COX15: variants seen among roughly 807,000 people sequenced by gnomAD.
The protein encoded by COX15 is heme A synthase COX15.
Under a neutral mutation model 51.9 loss-of-function variants are expected in COX15, and 51 were observed. That is an observed-to-expected ratio of 0.98 (90% CI 0.78 to 1.24). COX15 has a LOEUF of 1.24. Among genes scored for constraint, COX15 ranks in the 50% most tolerant of loss-of-function variants. The pLI is 0.00. For missense variants in COX15, 420 were observed against 501.1 expected (o/e 0.84, Z 1.55); for synonymous variants, 188 against 190.5 (o/e 0.99, Z 0.11).
downstream of COX15, chr10:99,706,056 T>C (rs1016858882): frequency 1.3e-5 from 2 of 152,228 alleles, no homozygotes; most frequent in Admixed American, 1.3e-4. Context: ...CATTTTCTTT[T>C]CTTTTCGTCA....
chr10:99,705,883 ACC>A (rs962529742), downstream of COX15: 1 of 152,118 alleles, frequency 6.6e-6, no homozygotes, highest in African/African-American at 2.4e-5. Flanking sequence ...TTACATCTTC[ACC>A]CACTACCCTT....
Position 99,716,386 on chromosome 10 carries a change from T to A in COX15, c.1063A>T (p.Met355Leu), listed in dbSNP as rs2036576941. The part of the protein sequence containing the change: ...RRIPLPRRTK[M>L]AAVTLLALAY... ...AAAGCCAGCAGAGTCACTGCTGCCA[T>A]CTTGGTCCTTCTAGGAAGGGGAATT... The change falls in exon 8 of 9, where the codon ATG (methionine) becomes TTG (leucine). Residue 355 changes from methionine (M) to leucine (L), a missense_variant. Met to Leu is a conservative substitution (Grantham distance 15). Transcript: ENST00000016171. 1 of 1,613,774 alleles carries A rather than the reference T, an allele frequency of 6.2e-7. No homozygotes were observed. Among genetic ancestry groups the A allele is most frequent in the African/African-American group, 1.3e-5 (1 of 74,886 alleles).
At chr10:99,724,213 T>A in intron 4 of COX15, 90 bp from the exon 5 acceptor site, 2 of 1,413,064 alleles carry the variant, frequency 1.4e-6, no homozygotes, top group Non-Finnish European at 2.0e-6. Flanking sequence ...AGACAGAGTC[T>A]CACTCTGTCA....
Position 99,726,951 on chromosome 10 carries a change from C to T in COX15, c.582+17G>A. The T allele has an allele frequency of 6.2e-7, 1 of 1,601,898 alleles. No homozygotes were observed. The highest frequency in any genetic ancestry group is 8.5e-7 in the Non-Finnish European group (1 of 1,172,044). On this transcript the variant is annotated intron_variant, in intron 4 of 8. Transcript: ENST00000016171. The stretch of plus-strand genomic sequence containing the variant: ...CCTGGGAGCATTTCTGGTTTCTCAA[C>T]CTTGAATAAATCTTACCTGGAAGCA...
At position 99,712,260 on chromosome 10, in the gene COX15, T is replaced by C. The variant is rs2036419113; in HGVS notation, c.*2327A>G. 3.0e-6 allele frequency: 3 copies of C among 985,330 alleles called. No homozygotes were observed. In the African/African-American group the frequency reaches 5.2e-5, roughly 17 times the overall value. The allele number at this position is 985,330 out of a possible 1,614,324, so 61.0% of individuals were successfully genotyped here. ...CTACAGGTCACAGAAACTTACAGAG[T>C]ACTGGAGTTGAAAGAGAACTGAGAT... On this transcript the variant is annotated 3_prime_UTR_variant, in exon 9 of 9. Coordinates refer to ENST00000016171, the MANE Select transcript of COX15 (RefSeq NM_078470.6).
intron 4 of COX15, among the ~76,000 whole-genome samples, chr10:99,725,582 G>C (rs2036921312): frequency 6.6e-6 from 1 of 151,818 alleles, no homozygotes; most frequent in South Asian, 2.1e-4. Flanking sequence ...TTTTGAGCCA[G>C]AGTCTTGCTC....
At chr10:99,698,385 T>C in the COX15 span, 1 of 707,062 alleles carries the variant, frequency 1.4e-6, no homozygotes, top group South Asian at 1.9e-5. Flanking sequence ...GTTAAATGTT[T>C]ATGTGATGAA....
rs2036455325 is a variant in COX15 at position 99,713,247 on chromosome 10, A to G, written c.*1340T>C. ...TCCCGTCTTTTTTATATGAAATGAT[A>G]TAAGGCCAGGTTTCTTCAGCCCAAA... is the stretch of plus-strand genomic sequence containing the variant. On this transcript the variant is annotated 3_prime_UTR_variant, in exon 9 of 9. Coordinates refer to ENST00000016171, the MANE Select transcript of COX15 (RefSeq NM_078470.6). 4 of 1,442,660 alleles carry G rather than the reference A, an allele frequency of 2.8e-6. No individual in the cohort carries two copies. Among genetic ancestry groups the G allele is most frequent in the Middle Eastern group, 2.2e-4 (1 of 4,594 alleles). The allele number at this position is 1,442,660 out of a possible 1,614,324, so 89.4% of individuals were successfully genotyped here. A position where few individuals can be genotyped will look rare whatever the true frequency, so the allele number is the denominator to read the frequency against.
At position 99,710,922 on chromosome 10, in the gene COX15, G is replaced by A; in HGVS notation, c.*3665C>T. 1 of 985,312 alleles carries A rather than the reference G, an allele frequency of 1.0e-6. No individual in the cohort carries two copies. Among genetic ancestry groups the A allele is most frequent in the Non-Finnish European group, 1.2e-6 (1 of 829,822 alleles). The allele number at this position is 985,312 out of a possible 1,614,324, so 61.0% of individuals were successfully genotyped here. ...CATGTTTTAAAAACAATGGACGTAA[G>A]TGCAGAGAGACCTTTGAAAATATTA... is the stretch of plus-strand genomic sequence containing the variant. On this transcript the variant is annotated 3_prime_UTR_variant, in exon 9 of 9. Transcript: ENST00000016171.
chr10:99,727,568 G>C lies in COX15; in HGVS notation c.273-5C>G, dbSNP rs776729659. ...GAGAGGCCAGACTCTGTCAACCTTA[G>C]GATAGGAAAGAAATTTTGGGGTGTA... On this transcript the variant is annotated splice_region_variant and splice_polypyrimidine_tract_variant and intron_variant, in intron 2 of 8. Transcript: ENST00000016171. 5 of 1,613,110 alleles carry C rather than the reference G, an allele frequency of 3.1e-6. No homozygotes were observed. Among genetic ancestry groups the C allele is most frequent in the Non-Finnish European group, 4.2e-6 (5 of 1,179,998 alleles).
the COX15 span, chr10:99,701,060 TAAGTTACTTCCCTTTCCTCC>T: frequency 6.2e-7 from 1 of 1,612,860 alleles, no homozygotes; most frequent in South Asian, 1.1e-5. Flanking sequence ...TCGACTCAAG[TAAGTTACTTCCCTTTCCTCC>T]TTAGATGTGG....
the COX15 span, chr10:99,700,747 C>G: frequency 6.9e-6 from 4 of 579,870 alleles, no homozygotes; most frequent in East Asian, 1.2e-4. Flanking sequence ...CCTCTGAAGC[C>G]TAAGAGGCTC....
chr10:99,727,157 G>A lies in COX15; in HGVS notation c.396-3C>T. ...TCAGTGTCATATCATGATTCAAGCTGGGTGAAATGGAAAGTCAAAAAAGGA... is the reference window on the plus strand; with the variant it reads ...TCAGTGTCATATCATGATTCAAGCTAGGTGAAATGGAAAGTCAAAAAAGGA... On this transcript the variant is annotated splice_region_variant and splice_polypyrimidine_tract_variant and intron_variant, in intron 3 of 8. Transcript: ENST00000016171. 5.0e-6 allele frequency: 8 copies of A among 1,613,986 alleles called. No individual in the cohort carries two copies. Among genetic ancestry groups the A allele is most frequent in the Non-Finnish European group, 6.8e-6 (8 of 1,179,910 alleles).
chr10:99,729,086 C>T (rs1454036483), intron 2 of COX15, among the ~76,000 whole-genome samples: 1 of 152,160 alleles, frequency 6.6e-6, no homozygotes, highest in Non-Finnish European at 1.5e-5. Flanking sequence ...TATGGCAGGG[C>T]AAGCCATCAG....
In COX15 at chr10:99,714,337, A is replaced by G. The variant is rs2036498224; in HGVS notation, c.*250T>C. The stretch of plus-strand genomic sequence containing the variant: ...GCCTGTTAAGCAGCAAATGGCAGAC[A>G]TTTCTTTCTCTACATTAAAACTGAT... On this transcript the variant is annotated 3_prime_UTR_variant, in exon 9 of 9. Transcript: ENST00000016171. 5 of 1,283,240 alleles carry G rather than the reference A, an allele frequency of 3.9e-6. No homozygotes were observed. Among genetic ancestry groups the G allele is most frequent in the Non-Finnish European group, 5.0e-6 (5 of 1,005,298 alleles). 79.5% of individuals were successfully genotyped at this position (1,283,240 alleles called of 1,614,324 possible).
At chr10:99,702,003 C>T in the COX15 span, among the ~76,000 whole-genome samples, 2 of 151,554 alleles carry the variant, frequency 1.3e-5, no homozygotes, top group Non-Finnish European at 2.9e-5. Context: ...GAGCTGAGAT[C>T]GCGCCACTGC....
At chr10:99,694,422 T>G in the COX15 span, among the ~76,000 whole-genome samples, 1 of 152,252 alleles carries the variant, frequency 6.6e-6, no homozygotes, top group Non-Finnish European at 1.5e-5. Context: ...ATGCTGTATT[T>G]TGTTTATCCA....
Position 99,714,133 on chromosome 10 carries a change from A to G in COX15, c.*454T>C. ...ACATTAGCTTTTTTTTTTTTGCTGA[A>G]GACCAGCTGGCTACTTTGGGTATGT... On this transcript the variant is annotated 3_prime_UTR_variant, in exon 9 of 9. Transcript: ENST00000016171. 1 of 1,015,374 alleles carries G rather than the reference A, an allele frequency of 9.8e-7. No homozygotes were observed. Among genetic ancestry groups the G allele is most frequent in the South Asian group, 4.0e-5 (1 of 25,052 alleles). The allele number at this position is 1,015,374 out of a possible 1,614,324, so 62.9% of individuals were successfully genotyped here.
chr10:99,714,886 C>T (rs1439782073), intron 8 of COX15, among the ~76,000 whole-genome samples, 168 bp from the exon 9 acceptor site: 3 of 152,180 alleles, frequency 2.0e-5, no homozygotes, highest in South Asian at 4.1e-4. Flanking sequence ...GAAAGAAATT[C>T]GAACAAAATT....
Sources: allele counts gnomAD v4.1 joint callset (sites outside exome capture counted in the v4.1 genomes callset), GRCh38; gene constraint gnomAD v4.1.1; transcripts MANE v1.5; gene names NCBI Gene and HGNC (gene_info 2026-07-23, HGNC 2026-07-21).